The following CACNA2D3 variants were observed in gnomAD, a reference collection of about 807,000 sequenced individuals.
CACNA2D3 encodes the protein calcium voltage-gated channel auxiliary subunit alpha2delta 3.
A neutral mutation model predicts 160.6 loss-of-function variants in CACNA2D3; 60 were observed. That is an observed-to-expected ratio of 0.37 (90% CI 0.30 to 0.46). CACNA2D3 has a LOEUF of 0.46. Ranked by LOEUF, CACNA2D3 falls within the 20% of genes least tolerant of loss-of-function variation. The pLI is 1.00. For missense variants in CACNA2D3, 1,205 were observed against 1,365.0 expected (o/e 0.88, Z 1.85); for synonymous variants, 558 against 492.9 (o/e 1.13, Z -1.75).
At chr3:54,541,447 G>A (rs1291427877) in intron 5 of CACNA2D3, among the ~76,000 whole-genome samples, 1 of 152,056 alleles carries the variant, frequency 6.6e-6, no homozygotes, top group African/African-American at 2.4e-5. Context: ...CTAGGAGAGG[G>A]GATTAGGACA....
At chr3:55,021,945 G>C (rs1703466047) in intron 35 of CACNA2D3, among the ~76,000 whole-genome samples, 2 of 151,934 alleles carry the variant, frequency 1.3e-5, no homozygotes, top group African/African-American at 4.8e-5. Flanking sequence ...TTGTCCACAT[G>C]TTTTTGAAAG....
intron 13 of CACNA2D3, among the ~76,000 whole-genome samples, chr3:54,790,263 A>G (rs574821035): frequency 5.3e-5 from 8 of 152,242 alleles, no homozygotes; most frequent in Non-Finnish European, 8.8e-5. Flanking sequence ...TTGTCAGGGT[A>G]ACTGGTGCGG....
intron 27 of CACNA2D3, chr3:54,927,953 T>C: frequency 6.2e-7 from 1 of 1,606,504 alleles, no homozygotes; most frequent in Non-Finnish European, 8.5e-7. Flanking sequence ...TCGTAGACCC[T>C]TTAATTAATG....
At chr3:54,276,662 G>A (rs755121263) in intron 2 of CACNA2D3, among the ~76,000 whole-genome samples, 4 of 152,096 alleles carry the variant, frequency 2.6e-5, no homozygotes, top group Non-Finnish European at 5.9e-5. Flanking sequence ...GTATTTTGAG[G>A]CAGGGAAAAG....
intron 9 of CACNA2D3, among the ~76,000 whole-genome samples, chr3:54,619,330 G>A (rs1698931452): frequency 6.6e-6 from 1 of 152,134 alleles, no homozygotes; most frequent in South Asian, 2.1e-4. Flanking sequence ...TAGGTGGAGG[G>A]GCTGTTCCAC....
intron 2 of CACNA2D3, among the ~76,000 whole-genome samples, chr3:54,221,599 T>G (rs1190898103): frequency 2.0e-5 from 3 of 152,174 alleles, no homozygotes; most frequent in Non-Finnish European, 4.4e-5. Context: ...TTTGGGGAAG[T>G]TTTACTAGAG....
intron 2 of CACNA2D3, among the ~76,000 whole-genome samples, chr3:54,214,254 A>T (rs1701424893): frequency 6.6e-6 from 1 of 152,202 alleles, no homozygotes; most frequent in Non-Finnish European, 1.5e-5. Flanking sequence ...TAGACCTTGA[A>T]TGGGATGTGG....
intron 2 of CACNA2D3, among the ~76,000 whole-genome samples, chr3:54,184,932 G>A (rs948247643): frequency 6.6e-5 from 10 of 152,194 alleles, no homozygotes; most frequent in African/African-American, 2.2e-4. Flanking sequence ...GACCAGGGAC[G>A]TAGGCTAGGT....
intron 5 of CACNA2D3, among the ~76,000 whole-genome samples, chr3:54,541,696 T>C (rs938123507): frequency 4.6e-5 from 7 of 152,212 alleles, no homozygotes; most frequent in East Asian, 1.9e-4. Context: ...CCGGAGGAAG[T>C]GGAAAGCATC....
intron 27 of CACNA2D3, among the ~76,000 whole-genome samples, chr3:54,940,184 G>C (rs1340835197): frequency 6.6e-6 from 1 of 152,216 alleles, no homozygotes; most frequent in Non-Finnish European, 1.5e-5. Flanking sequence ...CCTGGAGACA[G>C]ATTAGCTAAC....
chr3:54,993,036 A>C (rs1025398226), intron 31 of CACNA2D3, among the ~76,000 whole-genome samples: 16 of 152,118 alleles, frequency 1.1e-4, no homozygotes, highest in Non-Finnish European at 1.5e-5. Context: ...CTATCACAAG[A>C]GCAGTACCAA....
intron 11 of CACNA2D3, among the ~76,000 whole-genome samples, chr3:54,751,022 G>A (rs557953856): frequency 7.9e-5 from 12 of 152,022 alleles, no homozygotes; most frequent in African/African-American, 2.7e-4. Flanking sequence ...TGCCCACCTC[G>A]GCCTCCCAAA....
At chr3:54,287,456 G>A (rs1271565630) in intron 2 of CACNA2D3, among the ~76,000 whole-genome samples, 2 of 151,024 alleles carry the variant, frequency 1.3e-5, no homozygotes, top group Non-Finnish European at 2.9e-5. Context: ...AAGAGACTTA[G>A]ACTCCCACAC....
At chr3:54,242,783 A>C (rs1233609463) in intron 2 of CACNA2D3, among the ~76,000 whole-genome samples, 1 of 152,178 alleles carries the variant, frequency 6.6e-6, no homozygotes, top group Non-Finnish European at 1.5e-5. Flanking sequence ...ATTGAGGTTG[A>C]CTGCAGGTTG....
intron 11 of CACNA2D3, among the ~76,000 whole-genome samples, chr3:54,741,200 G>C (rs1005047181): frequency 5.9e-5 from 9 of 152,154 alleles, no homozygotes; most frequent in African/African-American, 2.2e-4. Context: ...CTAAGGCCTA[G>C]AGGGACACAC....
At chr3:54,329,263 G>C (rs527432986) in intron 3 of CACNA2D3, among the ~76,000 whole-genome samples, 18 of 151,904 alleles carry the variant, frequency 1.2e-4, no homozygotes, top group African/African-American at 4.1e-4. Flanking sequence ...TGCCTTTACT[G>C]TGGCCCCAGT....
intron 4 of CACNA2D3, among the ~76,000 whole-genome samples, chr3:54,445,669 G>A (rs1008882456): frequency 6.6e-6 from 1 of 151,956 alleles, no homozygotes; most frequent in Non-Finnish European, 1.5e-5. Flanking sequence ...GGTAGGGAGT[G>A]TTGGAGACTT....
intron 27 of CACNA2D3, among the ~76,000 whole-genome samples, chr3:54,928,644 T>G (rs1701097880): frequency 6.6e-6 from 1 of 152,174 alleles, no homozygotes; most frequent in Non-Finnish European, 1.5e-5. Context: ...CAACCTTCCT[T>G]CTGGTGCCAC....
chr3:54,904,222 T>C (rs890065569), intron 27 of CACNA2D3, among the ~76,000 whole-genome samples: 1 of 152,210 alleles, frequency 6.6e-6, no homozygotes, highest in African/African-American at 2.4e-5. Context: ...TAAATTACGC[T>C]GATCGTGGTG....
Sources: gnomAD v4.1 joint callset for allele counts (sites outside exome capture counted in the v4.1 genomes callset) on GRCh38, gnomAD v4.1.1 for gene constraint, MANE v1.5 for transcripts, NCBI Gene and HGNC (gene_info 2026-07-23, HGNC 2026-07-21) for gene names.